The following KDM4C variants were observed in gnomAD, a reference collection of about 807,000 sequenced individuals.
KDM4C encodes the protein lysine demethylase 4C.
In KDM4C, 81 loss-of-function variants were observed where a neutral mutation model predicts 129.3. The ratio of observed to expected loss-of-function variants is 0.63; its 90% CI spans 0.52 to 0.75. The LOEUF (loss-of-function observed/expected upper bound fraction) is 0.75. Ranked by LOEUF, KDM4C falls within the 30% of genes least tolerant of loss-of-function variation. KDM4C has a pLI of 0.00. For missense variants in KDM4C, 1,457 were observed against 1,304.0 expected, an observed-to-expected ratio of 1.12 and a Z score of -1.81; for synonymous variants, 573 against 456.1, an observed-to-expected ratio of 1.26 and a Z score of -3.26.
chr9:6,956,478 C>G (rs115788953), intron 8 of KDM4C, among the ~76,000 whole-genome samples: 1,989 of 152,276 alleles, frequency 0.013, 38 homozygotes, highest in African/African-American at 0.046. Context: ...CTAAAAGGGT[C>G]AAATGTCACC....
At chr9:7,048,738 G>T (rs1829753587) in intron 16 of KDM4C, among the ~76,000 whole-genome samples, 1 of 152,020 alleles carries the variant, frequency 6.6e-6, no homozygotes, top group South Asian at 2.1e-4. Flanking sequence ...GCCACATATT[G>T]ATTAGCTTAA....
chr9:7,170,219 A>G, intron 21 of KDM4C: 2 of 1,197,774 alleles, frequency 1.7e-6, no homozygotes, highest in Non-Finnish European at 2.1e-6. Flanking sequence ...AGGCATTTGC[A>G]ATCTTGTTAG....
intron 17 of KDM4C, among the ~76,000 whole-genome samples, chr9:7,055,951 T>C (rs143414156): frequency 1.3e-5 from 2 of 152,316 alleles, no homozygotes; most frequent in African/African-American, 2.4e-5. Flanking sequence ...TGATTATCTT[T>C]CATCATGCTA....
chr9:6,970,817 C>T (rs1831852876), intron 8 of KDM4C, among the ~76,000 whole-genome samples: 2 of 148,674 alleles, frequency 1.3e-5, no homozygotes, highest in Admixed American at 6.7e-5. Context: ...ACCCCCACCC[C>T]GGTCTCACCC....
At chr9:7,161,775 T>G (rs1314004560) in intron 19 of KDM4C, among the ~76,000 whole-genome samples, 1 of 152,204 alleles carries the variant, frequency 6.6e-6, no homozygotes, top group Non-Finnish European at 1.5e-5. Context: ...ACCCACCAGC[T>G]TCTACTTTGG....
chr9:6,776,470 G>T (rs951419014), intron 1 of KDM4C, among the ~76,000 whole-genome samples: 2 of 151,928 alleles, frequency 1.3e-5, no homozygotes, highest in African/African-American at 4.8e-5. Context: ...CACCATGTTG[G>T]CCAGGATGGT....
chr9:6,915,728 A>G (rs1820185770), intron 8 of KDM4C, among the ~76,000 whole-genome samples: 1 of 152,184 alleles, frequency 6.6e-6, no homozygotes, highest in Non-Finnish European at 1.5e-5. Flanking sequence ...CTTGGTGGCT[A>G]TGCCCTGTAT....
chr9:6,908,823 GATA>G (rs1818782930), intron 8 of KDM4C, among the ~76,000 whole-genome samples: 1 of 152,106 alleles, frequency 6.6e-6, no homozygotes, highest in Non-Finnish European at 1.5e-5. Flanking sequence ...TATAAATTGG[GATA>G]ATAATACCAA....
intron 8 of KDM4C, among the ~76,000 whole-genome samples, chr9:6,899,767 G>A (rs574713248): frequency 6.6e-6 from 1 of 152,276 alleles, no homozygotes; most frequent in Admixed American, 6.5e-5. Flanking sequence ...AAACCAGTTG[G>A]TTAGTATATA....
intron 15 of KDM4C, among the ~76,000 whole-genome samples, chr9:7,042,696 A>G (rs1208779721): frequency 6.6e-6 from 1 of 152,032 alleles, no homozygotes; most frequent in Non-Finnish European, 1.5e-5. Context: ...CAGGGCAGGC[A>G]TTGCTTCTTG....
At chr9:6,883,249 A>G (rs1032205280) in intron 6 of KDM4C, among the ~76,000 whole-genome samples, 33 of 152,326 alleles carry the variant, frequency 2.2e-4, no homozygotes, top group African/African-American at 7.5e-4. Context: ...GAAATATTAT[A>G]TTGAAATGTC....
intron 15 of KDM4C, among the ~76,000 whole-genome samples, chr9:7,022,260 C>T (rs1825003114): frequency 1.3e-5 from 2 of 152,078 alleles, no homozygotes. Context: ...GACATTTCAA[C>T]AGTATTGATT....
intron 1 of KDM4C, among the ~76,000 whole-genome samples, chr9:6,761,719 C>A (rs1370138823): frequency 2.0e-5 from 3 of 152,188 alleles, no homozygotes; most frequent in Non-Finnish European, 4.4e-5. Flanking sequence ...TAGGTACATT[C>A]TGTACTTTGA....
At chr9:7,146,969 C>T (rs1842275487) in intron 19 of KDM4C, among the ~76,000 whole-genome samples, 2 of 152,302 alleles carry the variant, frequency 1.3e-5, no homozygotes, top group African/African-American at 4.8e-5. Flanking sequence ...TTGTCTCCTC[C>T]CTATCCTCTA....
chr9:6,740,425 G>C (rs975484398), intron 1 of KDM4C, among the ~76,000 whole-genome samples: 8 of 151,730 alleles, frequency 5.3e-5, no homozygotes, highest in African/African-American at 1.9e-4. Flanking sequence ...GGATGGTCTT[G>C]ATCTCCTGAC....
intron 5 of KDM4C, among the ~76,000 whole-genome samples, chr9:6,864,967 A>AT (rs1022070811): frequency 7.6e-5 from 10 of 132,172 alleles, no homozygotes; most frequent in Admixed American, 5.1e-4. Flanking sequence ...TTTCTGTTTG[A>AT]TTTTTTAAAA....
intron 2 of KDM4C, among the ~76,000 whole-genome samples, chr9:6,801,625 C>G (rs146454262): frequency 0.011 from 1,603 of 151,774 alleles, 28 homozygotes; most frequent in African/African-American, 0.036. Flanking sequence ...TATGCTCTCT[C>G]TCTCTCTCTC....
chr9:6,980,125 G>T (rs1321646524), intron 8 of KDM4C, among the ~76,000 whole-genome samples: 1 of 152,318 alleles, frequency 6.6e-6, no homozygotes, highest in East Asian at 1.9e-4. Flanking sequence ...AGGTCTATCA[G>T]TTAAATCTTG....
At chr9:6,926,296 T>G (rs1420703501) in intron 8 of KDM4C, among the ~76,000 whole-genome samples, 1 of 140,428 alleles carries the variant, frequency 7.1e-6, no homozygotes, top group Non-Finnish European at 1.5e-5. Flanking sequence ...ATAAGGCGTT[T>G]GTGAATAGAA....
Sources: allele counts gnomAD v4.1 joint callset (sites outside exome capture counted in the v4.1 genomes callset), GRCh38; gene constraint gnomAD v4.1.1; transcripts MANE v1.5; gene names NCBI Gene and HGNC (gene_info 2026-07-23, HGNC 2026-07-21).